PUSL1: variants seen among roughly 807,000 people sequenced by gnomAD.
PUSL1 encodes tRNA pseudouridine synthase-like 1.
PUSL1 carries 51 observed loss-of-function variants against 30.7 expected under a neutral mutation model. The observed-to-expected ratio is 1.66, with a 90% CI of 1.33 to 2.10. The LOEUF (loss-of-function observed/expected upper bound fraction) is 2.10, where lower values mean the gene tolerates loss of function less well. Ranked by LOEUF, PUSL1 falls within the 30% of genes most tolerant of loss-of-function variation. PUSL1 has a pLI of 0.00. For missense variants in PUSL1, 609 were observed against 427.6 expected (o/e 1.42, Z -3.74); for synonymous variants, 290 against 192.1 (o/e 1.51, Z -4.21).
Position 1,309,578 on chromosome 1 carries a change from A to C in PUSL1, c.448A>C (p.Asn150His). The change falls in exon 4 of 8, where the codon AAC (asparagine) becomes CAC (histidine). Residue 150 changes from asparagine (N) to histidine (H), a missense_variant. Transcript: ENST00000379031. ...TGATGAGCTGCCGGTGTTTGAACGCAACCTATGCTGGACTCTCCCGGCAGA... is the reference window on the plus strand; with the variant it reads ...TGATGAGCTGCCGGTGTTTGAACGCCACCTATGCTGGACTCTCCCGGCAGA... ...RRDELPVFER[N>H]LCWTLPADCL... 6.2e-7 allele frequency: 1 copy of C among 1,611,976 alleles called. No homozygotes were observed. Among genetic ancestry groups the C allele is most frequent in the South Asian group, 1.1e-5 (1 of 91,026 alleles).
chr1:1,309,984 G>A (rs1463127587), intron 5 of PUSL1, 133 bp downstream of exon 5: 4 of 709,658 alleles, frequency 5.6e-6, no homozygotes, highest in East Asian at 3.0e-5. Flanking sequence ...CTGGACAGCT[G>A]GAGGGGATTC....
chr1:1,309,867 T>G lies in PUSL1; in HGVS notation c.644+16T>G. 6.8e-7 allele frequency: 1 copy of G among 1,481,350 alleles called. No homozygotes were observed. The highest frequency in any genetic ancestry group is 9.0e-7 in the Non-Finnish European group (1 of 1,106,912). 91.8% of individuals were successfully genotyped at this position (1,481,350 alleles called of 1,614,324 possible). On this transcript the variant is annotated intron_variant, in intron 5 of 7. Transcript: ENST00000379031. ...AGGAGAGCAGGTGAGGAAGGGCCCCTGGGCTGTGGCCCTGCCCTCAAGTCA... is the reference window on the plus strand; with the variant it reads ...AGGAGAGCAGGTGAGGAAGGGCCCCGGGGCTGTGGCCCTGCCCTCAAGTCA...
chr1:1,310,216 A>C, intron 5 of PUSL1: 1 of 341,186 alleles, frequency 2.9e-6, no homozygotes, highest in Middle Eastern at 7.7e-4. Flanking sequence ...TCTGACCAGA[A>C]CCTCCCCTAT....
At position 1,311,312 on chromosome 1, in the gene PUSL1, G is replaced by A. The variant is rs767068346; in HGVS notation, c.863-18G>A. The A allele has an allele frequency of 6.5e-7, 1 of 1,546,606 alleles. No homozygotes were observed. Among genetic ancestry groups the A allele is most frequent in the South Asian group, 1.2e-5 (1 of 82,098 alleles). On this transcript the variant is annotated intron_variant, in intron 7 of 7. Transcript: ENST00000379031. Reference sequence around the variant, plus strand: ...CCGGTCTTGCCCCAGGCTGACGCAGGGTCTGGTCCGTCCACAGGTGCTGCC... The same window carrying A: ...CCGGTCTTGCCCCAGGCTGACGCAGAGTCTGGTCCGTCCACAGGTGCTGCC...
chr1:1,308,725 G>A lies in PUSL1; in HGVS notation c.77+5G>A. Reference sequence around the variant, plus strand: ...GTACGTGGGCACCGACTTTAAGTAGGTTTCCCAGGCGCAGCGGCGGGCGCC... The same window carrying A: ...GTACGTGGGCACCGACTTTAAGTAGATTTCCCAGGCGCAGCGGCGGGCGCC... On this transcript the variant is annotated splice_donor_5th_base_variant and intron_variant, in intron 1 of 7. Transcript: ENST00000379031. 6.5e-7 allele frequency: 1 copy of A among 1,548,380 alleles called. No homozygotes were observed. Among genetic ancestry groups the A allele is most frequent in the South Asian group, 1.2e-5 (1 of 83,968 alleles).
At chr1:1,310,353 C>CT in intron 5 of PUSL1, 1 of 469,288 alleles carries the variant, frequency 2.1e-6, no homozygotes, top group Non-Finnish European at 3.8e-6. Context: ...CACCAGGACC[C>CT]TAGGTGAGGG....
rs562137028 is a variant in PUSL1, at chr1:1,309,840, C to T, written c.633C>T (p.Pro211=). Residue 211 remains proline (P), a synonymous_variant, in exon 5 of 8, where the codon CCC becomes CCT. Coordinates refer to ENST00000379031, the MANE Select transcript of PUSL1 (RefSeq NM_153339.3). ...SPGQASPLVT[P]EESRKLRFWN... is the part of the protein sequence containing the mutation. ...GCCAAGCCAGCCCCTTGGTCACCCC[C>T]GAGGAGAGCAGGTGAGGAAGGGCCC... 2.4e-5 allele frequency: 37 copies of T among 1,524,782 alleles called. No homozygotes were observed. The Admixed American group carries it at 6.4e-4, about 26-fold the overall frequency. The allele number at this position is 1,524,782 out of a possible 1,614,324, so 94.5% of individuals were successfully genotyped here. A position where few individuals can be genotyped will look rare whatever the true frequency, so the allele number is the denominator to read the frequency against.
At position 1,309,230 on chromosome 1, in the gene PUSL1, C is replaced by G. The variant is rs774510613; in HGVS notation, c.280C>G (p.Leu94Val). The G allele has an allele frequency of 2.6e-6, 4 of 1,516,726 alleles. No individual in the cohort carries two copies. The highest frequency in any genetic ancestry group is 1.8e-6 in the Non-Finnish European group (2 of 1,140,024). 94.0% of individuals were successfully genotyped at this position (1,516,726 alleles called of 1,614,324 possible). A position where few individuals can be genotyped will look rare whatever the true frequency, so the allele number is the denominator to read the frequency against. The change falls in exon 3 of 8, where the codon CTG becomes GTG. Residue 94 changes from leucine (L) to valine (V), a missense_variant. Transcript: ENST00000379031. ...CCGGCCGCCCTTCCCGCCCGAGGTC[C>G]TGGCCGAGGCCCTCAACACACACCT... is the stretch of plus-strand genomic sequence containing the variant. ...SGRPPFPPEV[L>V]AEALNTHLRH...
In PUSL1 at chr1:1,308,916, G is replaced by A; in HGVS notation, c.79G>A (p.Gly27Arg). ...YFQYVGTDFNGVAAVRGTQRA... is the reference protein window; with the variant it reads ...YFQYVGTDFNRVAAVRGTQRA... ...ACCTCCGCCCGCTTCTGCCCGCAGC[G>A]GGGTCGCGGCCGTCAGGGGCACTCA... Residue 27 changes from glycine to arginine, a missense_variant and splice_region_variant, in exon 2 of 8, where the codon GGG (glycine) becomes AGG (arginine). Coordinates refer to ENST00000379031, the MANE Select transcript of PUSL1 (RefSeq NM_153339.3). 2 of 1,417,826 alleles carry A rather than the reference G, an allele frequency of 1.4e-6. No homozygotes were observed. The highest frequency in any genetic ancestry group is 2.9e-5 in the East Asian group (1 of 34,294). 87.8% of individuals were successfully genotyped at this position (1,417,826 alleles called of 1,614,324 possible).
chr1:1,311,629 T>C lies in PUSL1; in HGVS notation c.*250T>C. 2.8e-6 allele frequency: 2 copies of C among 709,200 alleles called. No homozygotes were observed. Among genetic ancestry groups the C allele is most frequent in the Non-Finnish European group, 5.1e-6 (2 of 392,400 alleles). 43.9% of individuals were successfully genotyped at this position (709,200 alleles called of 1,614,324 possible). On this transcript the variant is annotated 3_prime_UTR_variant, in exon 8 of 8. Transcript: ENST00000379031. ...TTGTTCAGCTTTTACTGGAAACTGC[T>C]GTCTAGGACCACCTGCCCTAACCAG...
In PUSL1 at chr1:1,309,333, C is replaced by T. The variant is rs113448882; in HGVS notation, c.323+60C>T. The T allele has an allele frequency of 6.1e-4, 886 of 1,447,056 alleles. 12 individuals are homozygous for T. In the African/African-American group the frequency reaches 0.011, roughly 18 times the overall value. 89.6% of individuals were successfully genotyped at this position (1,447,056 alleles called of 1,614,324 possible). ...CCTTCCCGACTCCATCTGTCGCGGGCGGAGGCTGGAGATCTGGACAGACTT... is the reference window on the plus strand; with the variant it reads ...CCTTCCCGACTCCATCTGTCGCGGGTGGAGGCTGGAGATCTGGACAGACTT... On this transcript the variant is annotated intron_variant, in intron 3 of 7. Transcript: ENST00000379031.
chr1:1,308,712 C>A lies in PUSL1; in HGVS notation c.69C>A (p.Thr23=), dbSNP rs537537346. Reference sequence around the variant, plus strand: ...TTGTGTACTTCCAGTACGTGGGCACCGACTTTAAGTAGGTTTCCCAGGCGC... The same window carrying A: ...TTGTGTACTTCCAGTACGTGGGCACAGACTTTAAGTAGGTTTCCCAGGCGC... ...RYLVYFQYVG[T]DFNGVAAVRG... is the part of the protein sequence containing the mutation. The change falls in exon 1 of 8, where the codon ACC becomes ACA. Residue 23 remains threonine, a synonymous_variant. Transcript: ENST00000379031. 171 of 1,555,596 alleles carry A rather than the reference C, an allele frequency of 1.1e-4. 1 individual carries two copies. In the South Asian group the frequency reaches 1.9e-3, roughly 17 times the overall value.
rs928936620 is a variant in PUSL1, at chr1:1,309,956, G to T, written c.644+105G>T. 4.2e-6 allele frequency: 4 copies of T among 942,830 alleles called. No homozygotes were observed. The Admixed American group carries it at 1.2e-4, about 28-fold the overall frequency. The allele number at this position is 942,830 out of a possible 1,614,324, so 58.4% of individuals were successfully genotyped here. A position where few individuals can be genotyped will look rare whatever the true frequency, so the allele number is the denominator to read the frequency against. Reference sequence around the variant, plus strand: ...GGCAAGGTGAGGCGGGAGGCAGGCAGCCGGGAGTCCTCAGGACCTGGACAG... The same window carrying T: ...GGCAAGGTGAGGCGGGAGGCAGGCATCCGGGAGTCCTCAGGACCTGGACAG... On this transcript the variant is annotated intron_variant, in intron 5 of 7. Coordinates refer to ENST00000379031, the MANE Select transcript of PUSL1 (RefSeq NM_153339.3).
rs200331726 is a variant in PUSL1, at chr1:1,311,375, G to C, written c.908G>C (p.Gly303Ala). 6.3e-6 allele frequency: 10 copies of C among 1,599,108 alleles called. No homozygotes were observed. Among genetic ancestry groups the C allele is most frequent in the Non-Finnish European group, 7.7e-6 (9 of 1,171,946 alleles). Residue 303 changes from glycine (G) to alanine (A), a missense_variant, in exon 8 of 8, where the codon GGA becomes GCA. Coordinates refer to ENST00000379031, the MANE Select transcript of PUSL1 (RefSeq NM_153339.3). ...CAGGGGCCACAGTTCGGGAGCCACG[G>C]ATGACCCTGGACACTCAAGCCAAAG... is the stretch of plus-strand genomic sequence containing the variant. The part of the protein sequence containing the change: ...TLQGPQFGSH[G>A]
intron 7 of PUSL1, 58 bp downstream of exon 7, chr1:1,311,129 G>C (rs113507385): frequency 6.5e-7 from 1 of 1,547,500 alleles, no homozygotes; most frequent in African/African-American, 1.4e-5. Context: ...CTGTGGCCGA[G>C]GCATGGGGTG....
At chr1:1,309,319 C>T (rs545902698) in intron 3 of PUSL1, 46 bp downstream of exon 3, 4 of 1,448,738 alleles carry the variant, frequency 2.8e-6, no homozygotes, top group Middle Eastern at 1.9e-4. Flanking sequence ...CTTCCCGACT[C>T]CATCTGTCGC....
At position 1,309,148 on chromosome 1, in the gene PUSL1, C is replaced by T. The variant is rs1437656858; in HGVS notation, c.198C>T (p.Asp66=). ...GGTTCACCATCTCCAGCCGCACGGACGCCGGGGTCCACGCCCTGAGCAACG... is the reference window on the plus strand; with the variant it reads ...GGTTCACCATCTCCAGCCGCACGGATGCCGGGGTCCACGCCCTGAGCAACG... ...PVRFTISSRT[D]AGVHALSNAA... is the part of the protein sequence containing the mutation. Residue 66 remains aspartate (D), a synonymous_variant, in exon 3 of 8, where the codon GAC becomes GAT. Coordinates refer to ENST00000379031, the MANE Select transcript of PUSL1 (RefSeq NM_153339.3). 4 of 1,530,974 alleles carry T rather than the reference C, an allele frequency of 2.6e-6. No homozygotes were observed. The highest frequency in any genetic ancestry group is 1.7e-6 in the Non-Finnish European group (2 of 1,146,886). 94.8% of individuals were successfully genotyped at this position (1,530,974 alleles called of 1,614,324 possible).
At position 1,308,712 on chromosome 1, in the gene PUSL1, C is replaced by G; in HGVS notation, c.69C>G (p.Thr23=). The change falls in exon 1 of 8, where the codon ACC becomes ACG. Residue 23 remains threonine, a synonymous_variant. Coordinates refer to ENST00000379031, the MANE Select transcript of PUSL1 (RefSeq NM_153339.3). Reference sequence around the variant, plus strand: ...TTGTGTACTTCCAGTACGTGGGCACCGACTTTAAGTAGGTTTCCCAGGCGC... The same window carrying G: ...TTGTGTACTTCCAGTACGTGGGCACGGACTTTAAGTAGGTTTCCCAGGCGC... The part of the protein sequence containing the change: ...RYLVYFQYVG[T]DFNGVAAVRG... 1 of 1,555,598 alleles carries G rather than the reference C, an allele frequency of 6.4e-7. No homozygotes were observed. Among genetic ancestry groups the G allele is most frequent in the Non-Finnish European group, 8.7e-7 (1 of 1,153,916 alleles).
Position 1,309,550 on chromosome 1 carries a change from G to A in PUSL1, c.420G>A (p.Arg140=). The change falls in exon 4 of 8, where the codon CGG becomes CGA. Residue 140 remains arginine (R), a synonymous_variant. Coordinates refer to ENST00000379031, the MANE Select transcript of PUSL1 (RefSeq NM_153339.3). ...YLYRLATGCH[R]RDELPVFERN... ...ACCGCCTGGCCACTGGCTGTCACCG[G>A]CGTGATGAGCTGCCGGTGTTTGAAC... The A allele has an allele frequency of 6.2e-7, 1 of 1,611,444 alleles. No individual in the cohort carries two copies. The highest frequency in any genetic ancestry group is 1.1e-5 in the South Asian group (1 of 90,980).
Sources: gnomAD v4.1 joint callset for allele counts on GRCh38, gnomAD v4.1.1 for gene constraint, MANE v1.5 for transcripts, NCBI Gene and HGNC (gene_info 2026-07-23, HGNC 2026-07-21) for gene names.